ESR1: variants seen among roughly 807,000 people sequenced by gnomAD.
ESR1 encodes estrogen receptor 1, also known as estrogen receptor.
ESR1 carries 12 observed loss-of-function variants against 52.7 expected under a neutral mutation model. The observed-to-expected ratio is 0.23, with a 90% confidence interval of 0.15 to 0.37. ESR1 has a LOEUF of 0.37. ESR1 is among the 10% of genes least tolerant of loss of function. The pLI, the probability that ESR1 is intolerant of heterozygous loss-of-function variation, is 1.00. For synonymous variants in ESR1, 305 were observed against 316.8 expected (o/e 0.96, Z 0.39); for missense variants, 584 against 779.7 (o/e 0.75, Z 2.99).
chr6:151,820,421 T>C (rs572436935), intron 1 of ESR1, among the ~76,000 whole-genome samples: 1 of 152,328 alleles, frequency 6.6e-6, no homozygotes, highest in South Asian at 2.1e-4. Flanking sequence ...ACCTTAATGA[T>C]CATCTTGTTT....
rs143879300 is a variant in ESR1 at position 152,098,368 on chromosome 6, C to T, written c.1554-364C>T. Reference sequence around the variant, plus strand: ...CATGTTGTCTTTTTAGAAGCTTTGGCGATCCTATTTGAATGCATTTAGGTC... The same window carrying T: ...CATGTTGTCTTTTTAGAAGCTTTGGTGATCCTATTTGAATGCATTTAGGTC... On this transcript the variant is annotated intron_variant, in intron 7 of 7. Transcript: ENST00000206249. This position sits in a 1 kb window ranked among gnomAD's most constrained non-coding sequence, Gnocchi z 5.1. Among the ~76,000 whole-genome samples the T allele has an allele frequency of 1.1e-4, 16 of 152,122 alleles. No homozygotes were observed. The highest frequency in any genetic ancestry group is 7.8e-4 in the East Asian group (4 of 5,146).
rs949387793 is a variant in ESR1 at position 151,734,098 on chromosome 6, T to C, written c.-71+32093T>C. ...ACCTCAGCTCACACCAGTGCAGAAA[T>C]GGAAGTTTTAATTGGCTGTAGGATT... On this transcript the variant is annotated intron_variant, in intron 2 of 2. Transcript: ENST00000404742. 7.9e-5 allele frequency among the ~76,000 whole-genome samples: 12 copies of C among 152,206 alleles called. No homozygotes were observed. The South Asian group carries it at 1.0e-3, about 13-fold the overall frequency.
At chr6:151,796,646 T>A (rs1248633379) in intron 2 of ESR1, among the ~76,000 whole-genome samples, 2 of 152,224 alleles carry the variant, frequency 1.3e-5, no homozygotes, top group South Asian at 2.1e-4. Context: ...GTAATGGTTT[T>A]GCCATTAGTT....
chr6:151,976,752 A>T lies in ESR1; in HGVS notation c.1096+32244A>T, dbSNP rs755558490. ...ATTAGTCATCATCACCTAATATCTT[A>T]AATATTTAACCTTTTATGCAGTGTT... On this transcript the variant is annotated intron_variant, in intron 4 of 7. Coordinates refer to ENST00000206249, the MANE Select transcript of ESR1 (RefSeq NM_000125.4). 2.4e-3 allele frequency among the ~76,000 whole-genome samples: 360 copies of T among 152,248 alleles called. 1 individual carries two copies. Among genetic ancestry groups the T allele is most frequent in the Middle Eastern group, 0.01 (3 of 294 alleles).
intron 5 of ESR1, among the ~76,000 whole-genome samples, chr6:152,014,092 C>G (rs560652242): frequency 6.6e-6 from 1 of 152,290 alleles, no homozygotes; most frequent in South Asian, 2.1e-4. Context: ...CACGCTCTCT[C>G]TCTTCCCCGT....
rs1256390669 is a variant in ESR1, at chr6:152,053,925, ATTGT to A, written c.1236-7060_1236-7057del. Among the ~76,000 whole-genome samples the A allele has an allele frequency of 6.6e-6, 1 of 152,158 alleles. No individual in the cohort carries two copies. Among genetic ancestry groups the A allele is most frequent in the Non-Finnish European group, 1.5e-5 (1 of 68,044 alleles). On this transcript the variant is annotated intron_variant, in intron 5 of 7. Transcript: ENST00000206249. This position sits in a 1 kb window ranked among gnomAD's most constrained non-coding sequence, Gnocchi z 4.1. ...AATATATGTATAGGAATAATTGCAC[ATTGT>A]TTGTTGTAGCTGAAAATTACAAATA...
chr6:151,981,208 T>C (rs534134883), intron 4 of ESR1, among the ~76,000 whole-genome samples: 71 of 152,350 alleles, frequency 4.7e-4, no homozygotes, highest in African/African-American at 1.6e-3. Context: ...AGGTATTTTA[T>C]CTTGCCTTGC....
At chr6:151,729,515 A>G (rs542068723) in intron 2 of ESR1, among the ~76,000 whole-genome samples, 1 of 152,272 alleles carries the variant, frequency 6.6e-6, no homozygotes, top group Admixed American at 6.5e-5. Context: ...GCTTGGACCT[A>G]TCTTTAAAAC....
At chr6:151,947,193 T>A (rs1449864911) in intron 4 of ESR1, among the ~76,000 whole-genome samples, 1 of 152,008 alleles carries the variant, frequency 6.6e-6, no homozygotes, top group Non-Finnish European at 1.5e-5. Flanking sequence ...GTGGCACACA[T>A]CCATAGTCCC....
intron 5 of ESR1, among the ~76,000 whole-genome samples, chr6:152,013,309 C>G (rs1357206766): frequency 6.6e-6 from 1 of 151,974 alleles, no homozygotes; most frequent in East Asian, 1.9e-4. Flanking sequence ...CAAGTGATAT[C>G]AAGTTTGCAA....
chr6:151,785,708 G>C (rs912908230), intron 2 of ESR1, among the ~76,000 whole-genome samples: 1 of 152,148 alleles, frequency 6.6e-6, no homozygotes, highest in Non-Finnish European at 1.5e-5. Flanking sequence ...TCGTCACTCT[G>C]GGCAAGCCAT....
intron 4 of ESR1, among the ~76,000 whole-genome samples, chr6:151,985,467 C>T (rs1228272544): frequency 7.4e-6 from 1 of 134,642 alleles, no homozygotes; most frequent in Non-Finnish European, 1.6e-5. Context: ...GAGATTGCGC[C>T]ACTGCACTCT....
At chr6:151,927,411 T>C (rs1394435099) in intron 3 of ESR1, among the ~76,000 whole-genome samples, 2 of 152,198 alleles carry the variant, frequency 1.3e-5, no homozygotes, top group African/African-American at 2.4e-5. Context: ...TGTAGAGAAT[T>C]GGCACAATTT....
chr6:152,080,602 G>A (rs532654613), intron 6 of ESR1, among the ~76,000 whole-genome samples: 76 of 152,208 alleles, frequency 5.0e-4, no homozygotes, highest in African/African-American at 1.8e-3. Flanking sequence ...CAATTAACGG[G>A]CAAAATAACC....
At chr6:151,869,704 T>C (rs954482091) in intron 2 of ESR1, among the ~76,000 whole-genome samples, 2 of 152,204 alleles carry the variant, frequency 1.3e-5, no homozygotes, top group Admixed American at 1.3e-4. Context: ...CTTTGTGTTA[T>C]TTAGAAAAAG....
intron 1 of ESR1, among the ~76,000 whole-genome samples, chr6:151,696,237 G>T (rs924174064): frequency 1.3e-5 from 2 of 152,078 alleles, no homozygotes; most frequent in Admixed American, 6.6e-5. Context: ...TTGGGAGGCT[G>T]AGGCCAGTGA....
At chr6:151,896,885 T>C (rs1795610629) in intron 3 of ESR1, among the ~76,000 whole-genome samples, 1 of 152,186 alleles carries the variant, frequency 6.6e-6, no homozygotes, top group African/African-American at 2.4e-5. Flanking sequence ...TGTGTCACTA[T>C]TATTGTTCAA....
intron 4 of ESR1, among the ~76,000 whole-genome samples, chr6:151,984,494 G>A (rs954706497): frequency 3.9e-5 from 6 of 152,126 alleles, no homozygotes; most frequent in African/African-American, 1.2e-4. Flanking sequence ...GCACTCGTAT[G>A]TACAAATGCA....
chr6:151,713,417 C>T (rs571868560), intron 2 of ESR1, among the ~76,000 whole-genome samples: 6 of 152,286 alleles, frequency 3.9e-5, no homozygotes, highest in Admixed American at 2.0e-4. Flanking sequence ...GGAATGGTAC[C>T]AGCTCCTCTT....
Sources: allele counts gnomAD v4.1 joint callset (sites outside exome capture counted in the v4.1 genomes callset), GRCh38; gene constraint gnomAD v4.1.1; non-coding constraint Gnocchi (gnomAD v3.1); transcripts MANE v1.5; gene names NCBI Gene and HGNC (gene_info 2026-07-23, HGNC 2026-07-21).